EPSTI1: variants seen among roughly 807,000 people sequenced by gnomAD.
EPSTI1 encodes the protein epithelial-stromal interaction protein 1.
EPSTI1 carries 66 observed loss-of-function variants against 49.9 expected under a neutral mutation model. The ratio of observed to expected loss-of-function variants is 1.32; its 90% CI spans 1.08 to 1.62. The LOEUF (loss-of-function observed/expected upper bound fraction) is 1.62, where lower values mean the gene tolerates loss of function less well. Among genes scored for constraint, EPSTI1 ranks in the 40% most tolerant of loss-of-function variants. EPSTI1 has a pLI of 0.00. For synonymous variants in EPSTI1, 137 were observed against 130.7 expected, an observed-to-expected ratio of 1.05 and a Z score of -0.33; for missense variants, 394 against 365.5, an observed-to-expected ratio of 1.08 and a Z score of -0.64.
At chr13:42,923,766 A>G (rs17063867) in intron 7 of EPSTI1, among the ~76,000 whole-genome samples, 18,506 of 152,190 alleles carry the variant, frequency 0.12, 1,433 homozygotes, top group East Asian at 0.28. Flanking sequence ...CCTAAGCCAA[A>G]AGGAATTTTC....
chr13:42,902,494 C>T (rs1005772928), intron 8 of EPSTI1, among the ~76,000 whole-genome samples: 1 of 152,180 alleles, frequency 6.6e-6, no homozygotes, highest in Non-Finnish European at 1.5e-5. Flanking sequence ...CTGCAGTCTA[C>T]TAGTCTGTTC....
chr13:42,914,046 T>C (rs989722420), intron 8 of EPSTI1, among the ~76,000 whole-genome samples: 1 of 152,202 alleles, frequency 6.6e-6, no homozygotes, highest in African/African-American at 2.4e-5. Context: ...TCCCCAGCCA[T>C]GTTTTCTGTA....
At chr13:42,965,264 A>G (rs750429042) in intron 3 of EPSTI1, among the ~76,000 whole-genome samples, 4 of 152,186 alleles carry the variant, frequency 2.6e-5, no homozygotes, top group Non-Finnish European at 5.9e-5. Flanking sequence ...AGCATTTACA[A>G]GTTTTGTTCA....
In EPSTI1 at chr13:42,888,292, T is replaced by G. The variant is rs751190720; in HGVS notation, c.*202A>C. ...CATTTCCCTGGCAGTAGAGATTAAA[T>G]ATGAGTTCAGGAATCAGCTCCTCCA... is the stretch of plus-strand genomic sequence containing the variant. On this transcript the variant is annotated 3_prime_UTR_variant, in exon 11 of 11. Transcript: ENST00000313624. 1 of 1,604,908 alleles carries G rather than the reference T, an allele frequency of 6.2e-7. No individual in the cohort carries two copies. The highest frequency in any genetic ancestry group is 8.5e-7 in the Non-Finnish European group (1 of 1,177,976).
chr13:42,989,567 CT>C, intron 1 of EPSTI1, among the ~76,000 whole-genome samples: 98 of 79,006 alleles, frequency 1.2e-3, no homozygotes, highest in East Asian at 2.5e-3. Context: ...CCTCTTTTTT[CT>C]TTTTTTTTTT....
chr13:42,897,671 G>A (rs900259565), intron 9 of EPSTI1, among the ~76,000 whole-genome samples: 3 of 152,142 alleles, frequency 2.0e-5, no homozygotes, highest in Non-Finnish European at 4.4e-5. Flanking sequence ...ATTCACTTTT[G>A]AGCATCAGTT....
At chr13:42,978,900 T>C (rs1286320690) in intron 1 of EPSTI1, among the ~76,000 whole-genome samples, 2 of 152,200 alleles carry the variant, frequency 1.3e-5, no homozygotes, top group Non-Finnish European at 2.9e-5. Flanking sequence ...ATATATATCA[T>C]TAAGTTTTTT....
intron 1 of EPSTI1, among the ~76,000 whole-genome samples, chr13:42,975,490 AGT>A (rs1443007420): frequency 6.6e-6 from 1 of 152,198 alleles, no homozygotes; most frequent in Non-Finnish European, 1.5e-5. Context: ...ATACAGACAC[AGT>A]GGGTAAAGAC....
At position 42,895,127 on chromosome 13, in the gene EPSTI1, T is replaced by C. The variant is rs1398214942; in HGVS notation, c.816-19A>G. 4 of 1,589,670 alleles carry C rather than the reference T, an allele frequency of 2.5e-6. No homozygotes were observed. The highest frequency in any genetic ancestry group is 2.6e-6 in the Non-Finnish European group (3 of 1,161,740). ...ATTTACCCTTTAAAACAATGAAAAA[T>C]GTGTGTGAGTAGAAAACTTGCTGCA... On this transcript the variant is annotated intron_variant, in intron 9 of 10. Transcript: ENST00000313624.
rs79281218 is a variant in EPSTI1, at chr13:42,990,507, C to A, written c.188+1471G>T. On this transcript the variant is annotated intron_variant, in intron 1 of 10. Coordinates refer to ENST00000313624, the MANE Select transcript of EPSTI1 (RefSeq NM_033255.5). The stretch of plus-strand genomic sequence containing the variant: ...CAAATCATGTTCATCGTTAACTATT[C>A]ATGGACACGAGACCATATGTCTGTG... 1.9e-3 allele frequency among the ~76,000 whole-genome samples: 296 copies of A among 152,250 alleles called. 9 individuals are homozygous for A. The East Asian group carries it at 0.048, about 25-fold the overall frequency.
Position 42,991,997 on chromosome 13 carries a change from C to T in EPSTI1, c.169G>A (p.Val57Met), listed in dbSNP as rs747072558. 2 of 1,613,254 alleles carry T rather than the reference C, an allele frequency of 1.2e-6. No homozygotes were observed. The highest frequency in any genetic ancestry group is 1.7e-6 in the Non-Finnish European group (2 of 1,180,038). The change falls in exon 1 of 11, where the codon GTG becomes ATG. Residue 57 changes from valine to methionine, a missense_variant. Coordinates refer to ENST00000313624, the MANE Select transcript of EPSTI1 (RefSeq NM_033255.5). ...ACTCACCGCCTCTGGCCCGCGTGCA[C>T]GACGCTCTCCCGCGAAGGGCCCTTA... ...APKGPSRESV[V>M]HAGQRRTSAY...
chr13:42,889,230 C>A (rs200098794), intron 10 of EPSTI1: 6 of 1,565,082 alleles, frequency 3.8e-6, no homozygotes, highest in Non-Finnish European at 5.2e-6. Flanking sequence ...CTCGAAAAAA[C>A]TAATAGAGAA....
intron 8 of EPSTI1, among the ~76,000 whole-genome samples, chr13:42,904,858 A>T (rs1298075479): frequency 6.6e-6 from 1 of 152,226 alleles, no homozygotes; most frequent in East Asian, 1.9e-4. Context: ...TGTGTATCCA[A>T]AACATTTAAT....
intron 6 of EPSTI1, among the ~76,000 whole-genome samples, chr13:42,932,623 TA>T (rs112618216): frequency 0.031 from 4,241 of 137,564 alleles, 99 homozygotes; most frequent in South Asian, 0.1. Flanking sequence ...AACATCCAGG[TA>T]AAAAAAAAAA....
chr13:42,971,429 C>A (rs1295353448), intron 1 of EPSTI1, among the ~76,000 whole-genome samples: 30 of 152,108 alleles, frequency 2.0e-4, no homozygotes, highest in Admixed American at 2.0e-3. Context: ...TGCTACAGAC[C>A]CAGCCTGTGA....
intron 1 of EPSTI1, among the ~76,000 whole-genome samples, chr13:42,984,463 T>C (rs1423103392): frequency 1.3e-5 from 2 of 152,234 alleles, no homozygotes; most frequent in East Asian, 1.9e-4. Context: ...CTTATTCAGA[T>C]GCAAATAATG....
intron 1 of EPSTI1, among the ~76,000 whole-genome samples, chr13:42,990,104 C>T (rs539089277): frequency 4.6e-4 from 69 of 149,498 alleles, no homozygotes; most frequent in Non-Finnish European, 9.2e-4. Context: ...GTCATCCCAA[C>T]AGGATCTCAG....
In EPSTI1 at chr13:42,900,360, C is replaced by A; in HGVS notation, c.765G>T (p.Arg255=). The change falls in exon 9 of 11, where the codon CGG becomes CGT. Residue 255 remains arginine, a synonymous_variant. Coordinates refer to ENST00000313624, the MANE Select transcript of EPSTI1 (RefSeq NM_033255.5). ...TGGCTCTTTCTTGCTCTTGCTGCTG[C>A]CGTTTCAGTTCCAGTAATTCACTCT... is the stretch of plus-strand genomic sequence containing the variant. ...HQKSELLELK[R]QQQEQERAKI... is the part of the protein sequence containing the mutation. The A allele has an allele frequency of 6.2e-7, 1 of 1,613,614 alleles. No individual in the cohort carries two copies. The highest frequency in any genetic ancestry group is 8.5e-7 in the Non-Finnish European group (1 of 1,179,746).
At position 42,953,993 on chromosome 13, in the gene EPSTI1, A is replaced by G. The variant is rs1343289634; in HGVS notation, c.518T>C (p.Leu173Pro). 52 of 1,612,726 alleles carry G rather than the reference A, an allele frequency of 3.2e-5. No individual in the cohort carries two copies. The highest frequency in any genetic ancestry group is 4.2e-5 in the Non-Finnish European group (50 of 1,179,846). The change falls in exon 6 of 11, where the codon CTT (leucine) becomes CCT (proline). Residue 173 changes from leucine (L) to proline (P), a missense_variant. By Grantham distance (98) the Leu-to-Pro change is moderately conservative (BLOSUM62 -3). Transcript: ENST00000313624. ...TGCTTCTCTTCTAAGGTTTTCTTGA[A>G]GTCTTTTTTTCTCCTCCAGTTTATT... is the stretch of plus-strand genomic sequence containing the variant. ...KSNKLEEKKR[L>P]QENLRREAFR...
Sources: gnomAD v4.1 joint callset for allele counts (sites outside exome capture counted in the v4.1 genomes callset) on GRCh38, gnomAD v4.1.1 for gene constraint, MANE v1.5 for transcripts, NCBI Gene and HGNC (gene_info 2026-07-23, HGNC 2026-07-21) for gene names.